EYS: variants seen among roughly 807,000 people sequenced by gnomAD.
EYS encodes the protein EGF-like photoreceptor maintenance factor, also known as protein eyes shut homolog.
In EYS, 250 loss-of-function variants were observed where a neutral mutation model predicts 282.1. That is an observed-to-expected ratio of 0.89 (90% CI 0.80 to 0.98). EYS has a LOEUF of 0.98. Among genes scored for constraint, EYS ranks in the 50% least tolerant of loss-of-function variants. The pLI is 0.00. For missense variants in EYS, 4,016 were observed against 3,709.0 expected (o/e 1.08, Z -2.15); for synonymous variants, 1,355 against 1,282.9 (o/e 1.06, Z -1.20).
At chr6:65,344,663 C>T (rs1339645947) in intron 9 of EYS, among the ~76,000 whole-genome samples, 1 of 151,302 alleles carries the variant, frequency 6.6e-6, no homozygotes, top group East Asian at 2.0e-4. Flanking sequence ...ATTAAACTTT[C>T]TGAAAAATCA....
At chr6:65,222,142 G>A (rs1448958590) in intron 12 of EYS, among the ~76,000 whole-genome samples, 2 of 152,142 alleles carry the variant, frequency 1.3e-5, no homozygotes, top group Admixed American at 6.5e-5. Flanking sequence ...TTGGGTTAAG[G>A]CTAAAATGAA....
intron 1 of EYS, among the ~76,000 whole-genome samples, chr6:65,656,458 C>T (rs997740291): frequency 6.6e-6 from 1 of 151,770 alleles, no homozygotes; most frequent in African/African-American, 2.4e-5. Flanking sequence ...TAAAAACAGG[C>T]TTATGGCTGT....
Position 64,714,258 on chromosome 6 carries a change from G to T in EYS, c.3444-88013C>A, listed in dbSNP as rs139556921. 8.5e-4 allele frequency among the ~76,000 whole-genome samples: 129 copies of T among 152,156 alleles called. 1 individual carries two copies. The East Asian group carries it at 0.023, about 27-fold the overall frequency. ...TCATTGTTTTGGGCTTGAGTAACTG[G>T]GTGATTATATTAATAACCATGAGAA... On this transcript the variant is annotated intron_variant, in intron 22 of 42. Coordinates refer to ENST00000503581, the MANE Select transcript of EYS (RefSeq NM_001142800.2).
intron 12 of EYS, among the ~76,000 whole-genome samples, chr6:65,120,463 A>C (rs1775507825): frequency 2.5e-5 from 2 of 79,660 alleles, no homozygotes; most frequent in Non-Finnish European, 6.6e-5. Context: ...AAATAAGCAA[A>C]AAAAAAAAAA....
At chr6:65,358,658 AG>A (rs1325049349) in intron 8 of EYS, among the ~76,000 whole-genome samples, 2 of 146,256 alleles carry the variant, frequency 1.4e-5, no homozygotes, top group African/African-American at 5.1e-5. Context: ...GGGGGGATTT[AG>A]TTACCATAGA....
In EYS at chr6:64,313,008, A is replaced by T. The variant is rs145374046; in HGVS notation, c.6079-5926T>A. On this transcript the variant is annotated intron_variant, in intron 29 of 42. Transcript: ENST00000503581. ...GGATCACAACTCCTTGCAGCAAGGGAACAAAACTGGATGAACAATGAGTTT... is the reference window on the plus strand; with the variant it reads ...GGATCACAACTCCTTGCAGCAAGGGTACAAAACTGGATGAACAATGAGTTT... Among the ~76,000 whole-genome samples, 652 of 152,328 alleles carry T rather than the reference A, an allele frequency of 4.3e-3. 5 individuals carry two copies. The highest frequency in any genetic ancestry group is 0.015 in the African/African-American group (614 of 41,572).
At chr6:64,314,744 C>A (rs1233167726) in intron 29 of EYS, among the ~76,000 whole-genome samples, 1 of 151,536 alleles carries the variant, frequency 6.6e-6, no homozygotes, top group Admixed American at 6.6e-5. Context: ...AACAAAGACA[C>A]AACAGAATCT....
chr6:63,722,434 C>T (rs558424425), intron 42 of EYS, among the ~76,000 whole-genome samples: 1 of 152,222 alleles, frequency 6.6e-6, no homozygotes, highest in East Asian at 1.9e-4. Flanking sequence ...CACTAGGTTT[C>T]CCTCCATTAC....
chr6:65,345,044 C>T lies in EYS; in HGVS notation c.1460-867G>A, dbSNP rs114354090. Among the ~76,000 whole-genome samples, 387 of 151,598 alleles carry T rather than the reference C, an allele frequency of 2.6e-3. 1 individual carries two copies. Among genetic ancestry groups the T allele is most frequent in the African/African-American group, 8.9e-3 (370 of 41,434 alleles). ...CATTTCTTGGAAAATAGAATGTAAGCTATGCATTTTACAACTGAGTTGTAA... is the reference window on the plus strand; with the variant it reads ...CATTTCTTGGAAAATAGAATGTAAGTTATGCATTTTACAACTGAGTTGTAA... On this transcript the variant is annotated intron_variant, in intron 9 of 42. Transcript: ENST00000503581.
At position 63,789,125 on chromosome 6, in the gene EYS, G is replaced by T. The variant is rs954205055; in HGVS notation, c.7511C>A (p.Pro2504His). ...GTGGACTCCAAGGCTCAGATTGAGG[G>T]GCTCGCTCCTGATGCTTGCTATGCC... Reference protein sequence around the residue: ...GSGIASIRSEPLNLSLGVHTV... With the variant: ...GSGIASIRSEHLNLSLGVHTV... Residue 2504 changes from proline to histidine, a missense_variant, in exon 38 of 43, where the codon CCC (proline) becomes CAC (histidine). Pro to His is a moderately conservative substitution (Grantham distance 77). Transcript: ENST00000503581. The T allele has an allele frequency of 6.4e-7, 1 of 1,551,512 alleles. No homozygotes were observed. Among genetic ancestry groups the T allele is most frequent in the African/African-American group, 1.4e-5 (1 of 73,004 alleles).
chr6:64,291,284 A>G (rs1261153955), intron 30 of EYS, among the ~76,000 whole-genome samples: 1 of 152,102 alleles, frequency 6.6e-6, no homozygotes, highest in Admixed American at 6.6e-5. Context: ...GAATGCTATT[A>G]TTCCAAAATG....
At chr6:65,229,195 G>C (rs1301444926) in intron 12 of EYS, among the ~76,000 whole-genome samples, 1 of 151,870 alleles carries the variant, frequency 6.6e-6, no homozygotes, top group African/African-American at 2.4e-5. Context: ...TGTTTTAAAA[G>C]ATTAAGATTA....
At chr6:63,727,369 G>A (rs1359789567) in intron 41 of EYS, among the ~76,000 whole-genome samples, 1 of 151,946 alleles carries the variant, frequency 6.6e-6, no homozygotes, top group Non-Finnish European at 1.5e-5. Flanking sequence ...TGTGGACCAG[G>A]CGTATGCTAA....
intron 31 of EYS, among the ~76,000 whole-genome samples, chr6:64,166,615 G>A (rs1272176698): frequency 6.6e-6 from 1 of 152,186 alleles, no homozygotes; most frequent in Non-Finnish European, 1.5e-5. Flanking sequence ...TTAACAAAGA[G>A]GGATATCTCC....
chr6:64,148,422 ATTAC>A (rs1477537122), intron 31 of EYS, among the ~76,000 whole-genome samples: 1 of 152,004 alleles, frequency 6.6e-6, no homozygotes, highest in Non-Finnish European at 1.5e-5. Flanking sequence ...CACAGTCCTT[ATTAC>A]TTCTTTTCAT....
In EYS at chr6:64,759,958, C is replaced by A. The variant is rs370633864; in HGVS notation, c.3443+53420G>T. Among the ~76,000 whole-genome samples the A allele has an allele frequency of 5.3e-5, 8 of 152,082 alleles. No homozygotes were observed. In the South Asian group the frequency reaches 1.7e-3, roughly 32 times the overall value. On this transcript the variant is annotated intron_variant, in intron 22 of 42. Coordinates refer to ENST00000503581, the MANE Select transcript of EYS (RefSeq NM_001142800.2). The stretch of plus-strand genomic sequence containing the variant: ...TTAAACCTTTGTACAATATTTGAGG[C>A]AAAAAAATGTTTTCAGCACAGAAAT...
intron 36 of EYS, among the ~76,000 whole-genome samples, chr6:63,843,220 T>C (rs1403585364): frequency 2.0e-5 from 3 of 152,198 alleles, no homozygotes; most frequent in Non-Finnish European, 2.9e-5. Context: ...TTTCACGATA[T>C]TGATTCTTCC....
chr6:64,488,840 T>C (rs183737122), intron 26 of EYS, among the ~76,000 whole-genome samples: 2 of 151,116 alleles, frequency 1.3e-5, no homozygotes, highest in Admixed American at 1.3e-4. Flanking sequence ...TCTGTGCTTC[T>C]TTGTAATAGG....
intron 5 of EYS, among the ~76,000 whole-genome samples, chr6:65,415,234 T>C (rs190481562): frequency 2.4e-3 from 366 of 152,142 alleles, no homozygotes; most frequent in Middle Eastern, 0.01. Flanking sequence ...ATATAATTCC[T>C]GGCAATTCAA....
Sources: allele counts gnomAD v4.1 joint callset (sites outside exome capture counted in the v4.1 genomes callset), GRCh38; gene constraint gnomAD v4.1.1; transcripts MANE v1.5; gene names NCBI Gene and HGNC (gene_info 2026-07-23, HGNC 2026-07-21).